NBAS: variants seen among roughly 807,000 people sequenced by gnomAD.
NBAS encodes the protein NBAS subunit of NRZ tethering complex, also known as NAG/BC035112 fusion.
A neutral mutation model predicts 302.5 loss-of-function variants in NBAS; 219 were observed. The ratio of observed to expected loss-of-function variants is 0.72; its 90% confidence interval spans 0.65 to 0.81. The LOEUF (loss-of-function observed/expected upper bound fraction) is 0.81, where lower values mean the gene tolerates loss of function less well. Ranked by LOEUF, NBAS falls within the 30% of genes least tolerant of loss-of-function variation. The pLI is 0.00. For synonymous variants in NBAS, 1,118 were observed against 1,021.6 expected (o/e 1.09, Z -1.80); for missense variants, 2,932 against 2,841.6 (o/e 1.03, Z -0.72).
the NBAS span, among the ~76,000 whole-genome samples, chr2:15,048,672 G>T: frequency 6.6e-6 from 1 of 152,212 alleles, no homozygotes; most frequent in African/African-American, 2.4e-5. Context: ...CTGGGACTGG[G>T]CTCTAACAAG....
At chr2:14,893,961 T>C in the NBAS span, among the ~76,000 whole-genome samples, 2 of 152,246 alleles carry the variant, frequency 1.3e-5, no homozygotes, top group Admixed American at 1.3e-4. Flanking sequence ...TTGAACCATC[T>C]GAATAGAGTT....
At position 15,362,659 on chromosome 2, in the gene NBAS, TA is replaced by T. The variant is rs566283892; in HGVS notation, c.3817+3920del. Among the ~76,000 whole-genome samples the T allele has an allele frequency of 2.1e-3, 314 of 152,282 alleles. 2 individuals carry two copies. The highest frequency in any genetic ancestry group is 7.0e-3 in the African/African-American group (291 of 41,560). ...TAATAAATGCACCTATAACACAATA[TA>T]AAACCTATTTCCTACATAACATTGA... On this transcript the variant is annotated intron_variant, in intron 32 of 51. Coordinates refer to ENST00000281513, the MANE Select transcript of NBAS (RefSeq NM_015909.4).
At chr2:15,502,266 T>C (rs1035936961) in intron 11 of NBAS, among the ~76,000 whole-genome samples, 3 of 152,222 alleles carry the variant, frequency 2.0e-5, no homozygotes, top group African/African-American at 4.8e-5. Context: ...TGTGAGATCC[T>C]GTGAAAATAC....
the NBAS span, among the ~76,000 whole-genome samples, chr2:15,137,963 A>C: frequency 6.6e-6 from 1 of 152,104 alleles, no homozygotes; most frequent in Middle Eastern, 3.2e-3. Flanking sequence ...GCTTCTACTC[A>C]TCAAGAGCCC....
intron 35 of NBAS, among the ~76,000 whole-genome samples, chr2:15,348,916 A>G (rs115222651): frequency 0.014 from 2,066 of 152,316 alleles, 29 homozygotes; most frequent in Non-Finnish European, 0.019. Flanking sequence ...GAGAATGCTT[A>G]GGGAATATAG....
At chr2:15,245,526 A>G (rs1020826248) in intron 44 of NBAS, among the ~76,000 whole-genome samples, 9 of 151,932 alleles carry the variant, frequency 5.9e-5, no homozygotes, top group African/African-American at 2.2e-4. Context: ...CTGGGCTTCT[A>G]TTGCTTATTG....
the NBAS span, among the ~76,000 whole-genome samples, chr2:14,997,342 A>G: frequency 6.6e-6 from 1 of 152,134 alleles, no homozygotes; most frequent in African/African-American, 2.4e-5. Flanking sequence ...ATAAATAAAT[A>G]AACTATACGT....
At chr2:15,405,181 A>C (rs1022709201) in intron 25 of NBAS, among the ~76,000 whole-genome samples, 2 of 152,166 alleles carry the variant, frequency 1.3e-5, no homozygotes, top group African/African-American at 4.8e-5. Flanking sequence ...GCTTTCCCAG[A>C]TGTCTACAGT....
At chr2:15,124,490 G>T in the NBAS span, among the ~76,000 whole-genome samples, 57 of 152,320 alleles carry the variant, frequency 3.7e-4, no homozygotes, top group Admixed American at 2.0e-3. Flanking sequence ...AGAGAGATTA[G>T]CATGACTCAA....
intron 13 of NBAS, 114 bp from the exon 14 acceptor site, chr2:15,475,994 T>C (rs1223398918): frequency 1.3e-6 from 1 of 754,078 alleles, no homozygotes; most frequent in South Asian, 2.2e-5. Context: ...ATTTGGGCCC[T>C]AATGGTATGT....
the NBAS span, among the ~76,000 whole-genome samples, chr2:14,888,413 G>A: frequency 3.3e-5 from 5 of 151,754 alleles, no homozygotes; most frequent in Non-Finnish European, 5.9e-5. Context: ...TTACAGGCGT[G>A]AGCCACCATG....
At chr2:15,340,599 G>A (rs1049228826) in intron 35 of NBAS, among the ~76,000 whole-genome samples, 7 of 152,258 alleles carry the variant, frequency 4.6e-5, no homozygotes, top group Admixed American at 4.6e-4. Flanking sequence ...GAGCTATTAA[G>A]CAGGGAATCA....
chr2:15,270,716 C>T (rs2148041151), intron 44 of NBAS, among the ~76,000 whole-genome samples: 1 of 152,278 alleles, frequency 6.6e-6, no homozygotes, highest in African/African-American at 2.4e-5. Flanking sequence ...TGGCAATGTA[C>T]TTCTCAATTA....
chr2:15,341,023 G>A (rs13398948), intron 35 of NBAS, among the ~76,000 whole-genome samples: 12,616 of 152,126 alleles, frequency 0.083, 1,587 homozygotes, highest in African/African-American at 0.27. Context: ...GAAATGTAGG[G>A]AACATCTATC....
intron 36 of NBAS, among the ~76,000 whole-genome samples, chr2:15,329,443 C>G (rs575584147): frequency 6.6e-6 from 1 of 152,172 alleles, no homozygotes; most frequent in Non-Finnish European, 1.5e-5. Flanking sequence ...CTTCTCTCAC[C>G]GGGAGGACTG....
At chr2:14,831,803 C>A in the NBAS span, among the ~76,000 whole-genome samples, 2 of 152,166 alleles carry the variant, frequency 1.3e-5, no homozygotes, top group Admixed American at 6.6e-5. Flanking sequence ...ATGCTTATAT[C>A]GTAGGGCTTA....
At chr2:14,969,919 C>G in the NBAS span, among the ~76,000 whole-genome samples, 1 of 152,100 alleles carries the variant, frequency 6.6e-6, no homozygotes, top group Non-Finnish European at 1.5e-5. Context: ...AGAAGGGCTC[C>G]AAATGCAATA....
the NBAS span, among the ~76,000 whole-genome samples, chr2:15,093,375 C>CACTAT: frequency 3.2e-4 from 48 of 152,296 alleles, no homozygotes; most frequent in African/African-American, 1.1e-3. Context: ...GAGATCATGC[C>CACTAT]ACTATACTCC....
chr2:15,072,288 A>G, the NBAS span, among the ~76,000 whole-genome samples: 32 of 152,274 alleles, frequency 2.1e-4, no homozygotes, highest in African/African-American at 6.3e-4. Context: ...TGCTTTATTT[A>G]TTGGCCATTT....
Sources: allele counts gnomAD v4.1 joint callset (sites outside exome capture counted in the v4.1 genomes callset), GRCh38; gene constraint gnomAD v4.1.1; transcripts MANE v1.5; gene names NCBI Gene and HGNC (gene_info 2026-07-23, HGNC 2026-07-21).